The following REC114 variants were observed in gnomAD, a reference collection of about 807,000 sequenced individuals.
REC114 encodes REC114 meiotic recombination protein.
In REC114, 27 loss-of-function variants were observed where a neutral mutation model predicts 31.3. The observed-to-expected ratio is 0.86, with a 90% CI of 0.64 to 1.19. REC114 has a LOEUF of 1.19. REC114 is among the 50% of genes most tolerant of loss of function. The pLI, the probability that REC114 is intolerant of heterozygous loss-of-function variation, is 0.00. For missense variants in REC114, 344 were observed against 326.9 expected (o/e 1.05, Z -0.40); for synonymous variants, 134 against 127.7 (o/e 1.05, Z -0.33).
intron 3 of REC114, among the ~76,000 whole-genome samples, chr15:73,541,830 A>G (rs1894240293): frequency 6.6e-6 from 1 of 152,194 alleles, no homozygotes; most frequent in Admixed American, 6.5e-5. Flanking sequence ...AAATTTTTCT[A>G]AATATACATT....
chr15:73,475,055 T>C (rs905246757), intron 2 of REC114, among the ~76,000 whole-genome samples: 1 of 152,208 alleles, frequency 6.6e-6, no homozygotes, highest in African/African-American at 2.4e-5. Context: ...AATGGTAGAC[T>C]TGAAGAATAC....
At chr15:73,490,738 T>C (rs143203214) in intron 2 of REC114, among the ~76,000 whole-genome samples, 12 of 152,284 alleles carry the variant, frequency 7.9e-5, no homozygotes, top group African/African-American at 2.4e-4. Flanking sequence ...ACTGAGTTCA[T>C]TGAATTTTGA....
At position 73,462,884 on chromosome 15, in the gene REC114, CAAAAAA is replaced by C. The variant is rs769569268; in HGVS notation, c.160-10930_160-10925del. On this transcript the variant is annotated intron_variant, in intron 1 of 5. Coordinates refer to ENST00000331090, the MANE Select transcript of REC114 (RefSeq NM_001042367.2). The stretch of plus-strand genomic sequence containing the variant: ...TGGGCAACAGAGTGAGACTCCGTCT[CAAAAAA>C]AAAAAAAAAAAAAAAAATTACCACT... Among the ~76,000 whole-genome samples the C allele has an allele frequency of 1.8e-4, 10 of 55,652 alleles. 1 individual carries two copies. The highest frequency in any genetic ancestry group is 7.0e-4 in the African/African-American group (10 of 14,186). The allele number at this position is 55,652 out of a possible 152,430, so 36.5% of individuals were successfully genotyped here. A position where few individuals can be genotyped will look rare whatever the true frequency, so the allele number is the denominator to read the frequency against.
intron 1 of REC114, among the ~76,000 whole-genome samples, chr15:73,461,946 T>C (rs2151254610): frequency 6.9e-6 from 1 of 145,222 alleles, no homozygotes; most frequent in Non-Finnish European, 1.5e-5. Flanking sequence ...TTTTTTTTTT[T>C]TTAAAGACAG....
chr15:73,539,895 T>C (rs893293909), intron 2 of REC114, among the ~76,000 whole-genome samples: 1 of 152,208 alleles, frequency 6.6e-6, no homozygotes, highest in Non-Finnish European at 1.5e-5. Flanking sequence ...AGAAAGTTTA[T>C]CTTTTCACTT....
At chr15:73,505,307 A>G (rs1318637074) in intron 2 of REC114, among the ~76,000 whole-genome samples, 3 of 151,978 alleles carry the variant, frequency 2.0e-5, no homozygotes, top group Non-Finnish European at 4.4e-5. Context: ...ACACATGTGG[A>G]TTGTTATTGG....
At chr15:73,462,250 C>T (rs1409330931) in intron 1 of REC114, among the ~76,000 whole-genome samples, 2 of 151,876 alleles carry the variant, frequency 1.3e-5, no homozygotes, top group South Asian at 2.1e-4. Context: ...TTTAAGCTTT[C>T]CATATTGTGT....
intron 2 of REC114, among the ~76,000 whole-genome samples, chr15:73,532,057 A>G (rs1472986746): frequency 6.7e-6 from 1 of 149,440 alleles, no homozygotes; most frequent in Non-Finnish European, 1.5e-5. Flanking sequence ...ATATGTATAC[A>G]TGTGCCATGC....
intron 1 of REC114, among the ~76,000 whole-genome samples, chr15:73,464,106 A>T (rs1175377219): frequency 6.6e-6 from 1 of 150,828 alleles, no homozygotes; most frequent in East Asian, 1.9e-4. Context: ...TCTCACTAAC[A>T]TTTTTTCTCC....
At chr15:73,449,909 G>A (rs559240858) in intron 1 of REC114, among the ~76,000 whole-genome samples, 108 of 152,246 alleles carry the variant, frequency 7.1e-4, no homozygotes, top group African/African-American at 2.4e-3. Flanking sequence ...AGCTTCATAA[G>A]CAAAGGAGAA....
intron 2 of REC114, among the ~76,000 whole-genome samples, chr15:73,486,367 A>AT (rs910571280): frequency 6.6e-6 from 1 of 152,104 alleles, no homozygotes; most frequent in African/African-American, 2.4e-5. Context: ...AAGTGCTTGG[A>AT]TTACAGGCAT....
At chr15:73,558,367 C>A (rs1047021194) in intron 5 of REC114, among the ~76,000 whole-genome samples, 2 of 152,174 alleles carry the variant, frequency 1.3e-5, no homozygotes, top group African/African-American at 2.4e-5. Flanking sequence ...AGTAAGTGGA[C>A]CACACAGAAC....
At chr15:73,501,289 G>A (rs539108523) in intron 2 of REC114, among the ~76,000 whole-genome samples, 79 of 152,264 alleles carry the variant, frequency 5.2e-4, no homozygotes, top group African/African-American at 1.1e-3. Context: ...GTGTGGAAAC[G>A]TGTAGCACAA....
intron 1 of REC114, among the ~76,000 whole-genome samples, chr15:73,472,174 A>G (rs1227949959): frequency 6.6e-6 from 1 of 152,230 alleles, no homozygotes; most frequent in Non-Finnish European, 1.5e-5. Context: ...CAAATAATTC[A>G]TTGACCAGAC....
At chr15:73,487,260 C>T (rs887567186) in intron 2 of REC114, among the ~76,000 whole-genome samples, 2 of 152,174 alleles carry the variant, frequency 1.3e-5, no homozygotes, top group Non-Finnish European at 2.9e-5. Context: ...CCCAGTACCC[C>T]CAAAAGTCTT....
At chr15:73,458,489 G>T (rs563827206) in intron 1 of REC114, among the ~76,000 whole-genome samples, 2 of 152,284 alleles carry the variant, frequency 1.3e-5, no homozygotes, top group African/African-American at 4.8e-5. Flanking sequence ...GAGTTAACAG[G>T]TAACATTTTG....
chr15:73,559,858 C>T lies in REC114; in HGVS notation c.743C>T (p.Pro248Leu). 6.2e-7 allele frequency: 1 copy of T among 1,612,862 alleles called. No individual in the cohort carries two copies. Among genetic ancestry groups the T allele is most frequent in the South Asian group, 1.1e-5 (1 of 90,882 alleles). The change falls in exon 6 of 6, where the codon CCA becomes CTA. Residue 248 changes from proline to leucine, a missense_variant. Physicochemically the swap from Pro to Leu is moderately conservative, Grantham distance 98 (BLOSUM62 -3). Transcript: ENST00000331090. ...TTGTGCCTTATGGATCAGAATTTCC[C>T]AGCATTTGTGGAAGAGGTAGAAAAG... Reference protein sequence around the residue: ...LRLCLMDQNFPAFVEEVEKEL... With the variant: ...LRLCLMDQNFLAFVEEVEKEL...
chr15:73,559,913 T>C lies in REC114; in HGVS notation c.798T>C (p.Asn266=), dbSNP rs1894558244. The C allele has an allele frequency of 2.5e-6, 4 of 1,610,606 alleles. No homozygotes were observed. In the East Asian group the frequency reaches 8.9e-5, roughly 36 times the overall value. Residue 266 remains asparagine (N), a synonymous_variant, in exon 6 of 6, where the codon AAT becomes AAC. Coordinates refer to ENST00000331090, the MANE Select transcript of REC114 (RefSeq NM_001042367.2). The part of the protein sequence containing the change: ...KELKKLAGLR[N] Reference sequence around the variant, plus strand: ...TGAAAAAGCTGGCGGGTTTGAGAAATTAATGCTCTATATACATATATAACT... The same window carrying C: ...TGAAAAAGCTGGCGGGTTTGAGAAACTAATGCTCTATATACATATATAACT...
intron 1 of REC114, among the ~76,000 whole-genome samples, chr15:73,460,265 C>T (rs77751738): frequency 7.8e-4 from 119 of 152,074 alleles, no homozygotes; most frequent in Non-Finnish European, 1.3e-3. Flanking sequence ...TTTTTTTCAG[C>T]TTAGTGGTTT....
Sources: gnomAD v4.1 joint callset for allele counts (sites outside exome capture counted in the v4.1 genomes callset) on GRCh38, gnomAD v4.1.1 for gene constraint, MANE v1.5 for transcripts, NCBI Gene and HGNC (gene_info 2026-07-23, HGNC 2026-07-21) for gene names.